The following DYNC1I2 variants were observed in gnomAD, a reference collection of about 807,000 sequenced individuals.
The protein encoded by DYNC1I2 is cytoplasmic dynein 1 intermediate chain 2.
DYNC1I2 carries 53 observed loss-of-function variants against 88.6 expected under a neutral mutation model. The observed-to-expected ratio is 0.60, with a 90% CI of 0.48 to 0.75. DYNC1I2 has a LOEUF of 0.75. Ranked by LOEUF, DYNC1I2 falls within the 30% of genes least tolerant of loss-of-function variation. The pLI is 0.00. For synonymous variants in DYNC1I2, 198 were observed against 254.6 expected, an observed-to-expected ratio of 0.78 and a Z score of 2.12; for missense variants, 458 against 766.6, an observed-to-expected ratio of 0.60 and a Z score of 4.75.
chr2:171,728,288 T>C lies in DYNC1I2; in HGVS notation c.1144-17T>C. ...TTTGGTACAATAATCCCTGAAAACT[T>C]TTTTTAATATCTCTAGCACCCTGTA... On this transcript the variant is annotated splice_polypyrimidine_tract_variant and intron_variant, in intron 12 of 17. Transcript: ENST00000397119. The C allele has an allele frequency of 6.8e-7, 1 of 1,480,142 alleles. No individual in the cohort carries two copies. The highest frequency in any genetic ancestry group is 9.0e-7 in the Non-Finnish European group (1 of 1,106,000). 91.7% of individuals were successfully genotyped at this position (1,480,142 alleles called of 1,614,324 possible).
intron 14 of DYNC1I2, 136 bp downstream of exon 14, chr2:171,728,986 A>C: frequency 1.1e-6 from 1 of 941,964 alleles, no homozygotes; most frequent in Non-Finnish European, 1.5e-6. Context: ...CAGGCACATA[A>C]AATTAAAACT....
In DYNC1I2 at chr2:171,706,533, T is replaced by C; in HGVS notation, c.227-14T>C. The C allele has an allele frequency of 6.2e-7, 1 of 1,610,658 alleles. No homozygotes were observed. Among genetic ancestry groups the C allele is most frequent in the Non-Finnish European group, 8.5e-7 (1 of 1,177,528 alleles). On this transcript the variant is annotated splice_polypyrimidine_tract_variant and intron_variant, in intron 3 of 17. Transcript: ENST00000397119. ...AATATTTTGGGTGTCTGTATCTTTG[T>C]CTGTACACTTCAGTTTTTTCTGAAT...
At chr2:171,729,273 T>C (rs1174082448) in intron 14 of DYNC1I2, among the ~76,000 whole-genome samples, 2 of 152,164 alleles carry the variant, frequency 1.3e-5, no homozygotes, top group African/African-American at 4.8e-5. Flanking sequence ...CTGAGTAATA[T>C]TTCTCCTTCC....
At chr2:171,704,473 T>A (rs1035955316) in intron 3 of DYNC1I2, among the ~76,000 whole-genome samples, 3 of 152,202 alleles carry the variant, frequency 2.0e-5, no homozygotes, top group African/African-American at 7.2e-5. Flanking sequence ...TTTATACCAT[T>A]TAAAACCTGT....
At chr2:171,710,915 A>T (rs766797406) in intron 5 of DYNC1I2, among the ~76,000 whole-genome samples, 1 of 151,158 alleles carries the variant, frequency 6.6e-6, no homozygotes, top group African/African-American at 2.4e-5. Context: ...CATGTGCACA[A>T]TGTGCAGGTT....
At chr2:171,724,040 G>A (rs1023609861) in intron 7 of DYNC1I2, among the ~76,000 whole-genome samples, 1 of 152,032 alleles carries the variant, frequency 6.6e-6, no homozygotes. Context: ...TTCACCATTT[G>A]GTTCAAAAGT....
At chr2:171,745,749 A>C in intron 16 of DYNC1I2, 53 bp from the exon 17 acceptor site, 1 of 1,561,008 alleles carries the variant, frequency 6.4e-7, no homozygotes. Context: ...TTACATGTTT[A>C]TAGAAATCTT....
chr2:171,726,880 C>A lies in DYNC1I2; in HGVS notation c.960C>A (p.Tyr320Ter). The A allele has an allele frequency of 6.2e-7, 1 of 1,610,568 alleles. No individual in the cohort carries two copies. ...TGGCCCTTGTATGGAATATGAAATA[C>A]AAAAAAACTACCCCAGAGTATGTGT... ...DGVALVWNMK[Y>*]KKTTPEYVFH... Residue 320 changes from tyrosine to a stop codon, truncating the protein, a stop_gained, in exon 11 of 18, where the codon TAC becomes TAA. Transcript: ENST00000397119. LOFTEE classifies it high-confidence loss of function.
intron 15 of DYNC1I2, among the ~76,000 whole-genome samples, chr2:171,739,879 T>C (rs1230389512): frequency 3.3e-5 from 5 of 151,910 alleles, no homozygotes; most frequent in African/African-American, 9.7e-5. Flanking sequence ...CTAATTTTTA[T>C]ATTTTTTGTA....
chr2:171,732,396 C>A (rs1001475054), intron 15 of DYNC1I2, among the ~76,000 whole-genome samples: 3 of 152,136 alleles, frequency 2.0e-5, no homozygotes, highest in Non-Finnish European at 4.4e-5. Flanking sequence ...GTATGTATAG[C>A]TCACATTTTA....
At chr2:171,691,077 T>C (rs916452879) in intron 2 of DYNC1I2, among the ~76,000 whole-genome samples, 2 of 152,220 alleles carry the variant, frequency 1.3e-5, no homozygotes, top group African/African-American at 2.4e-5. Context: ...ATGGATAATA[T>C]TAATGGCAAA....
rs1688220147 is a variant in DYNC1I2 at position 171,725,903 on chromosome 2, ATTAT to A, written c.608-9_608-6del. On this transcript the variant is annotated splice_polypyrimidine_tract_variant and intron_variant, in intron 8 of 17. Coordinates refer to ENST00000397119, the MANE Select transcript of DYNC1I2 (RefSeq NM_001378.3). ...CCTGACATAAATCATACTTCAAAAAATTATTTATTTTCCAGCTCCCCCTCATGAG... is the reference window on the plus strand; with the variant it reads ...CCTGACATAAATCATACTTCAAAAAATTATTTTCCAGCTCCCCCTCATGAG... 8 of 1,557,710 alleles carry A rather than the reference ATTAT, an allele frequency of 5.1e-6. No homozygotes were observed. Among genetic ancestry groups the A allele is most frequent in the South Asian group, 1.2e-5 (1 of 80,400 alleles).
chr2:171,745,091 G>A (rs960416315), intron 16 of DYNC1I2, among the ~76,000 whole-genome samples: 19 of 152,290 alleles, frequency 1.2e-4, no homozygotes, highest in Admixed American at 3.9e-4. Context: ...GTACAAATTA[G>A]AAGGATTTTT....
At chr2:171,713,594 A>G (rs1348020822) in intron 6 of DYNC1I2, among the ~76,000 whole-genome samples, 2 of 152,148 alleles carry the variant, frequency 1.3e-5, no homozygotes, top group Admixed American at 6.5e-5. Context: ...ACATAGAGAT[A>G]AGATTATCCA....
chr2:171,736,436 C>G (rs1244269180), intron 15 of DYNC1I2, among the ~76,000 whole-genome samples: 2 of 152,176 alleles, frequency 1.3e-5, no homozygotes, highest in Non-Finnish European at 2.9e-5. Flanking sequence ...CTCCTGTGAG[C>G]CTGACCAGCT....
chr2:171,706,512 T>G, intron 3 of DYNC1I2, 35 bp from the exon 4 acceptor site: 2 of 1,587,360 alleles, frequency 1.3e-6, no homozygotes, highest in Non-Finnish European at 8.6e-7. Context: ...ATTAAGAATA[T>G]TTTGGGTGTC....
intron 4 of DYNC1I2, chr2:171,706,993 G>A: frequency 2.0e-6 from 1 of 501,288 alleles, no homozygotes; most frequent in Non-Finnish European, 3.5e-6. Context: ...GGCCACATTT[G>A]GTGATGGATG....
chr2:171,724,037 T>C (rs994767428), intron 7 of DYNC1I2, among the ~76,000 whole-genome samples: 1 of 152,140 alleles, frequency 6.6e-6, no homozygotes, highest in Non-Finnish European at 1.5e-5. Flanking sequence ...ACCTTCACCA[T>C]TTGGTTCAAA....
intron 3 of DYNC1I2, among the ~76,000 whole-genome samples, chr2:171,698,900 T>C (rs1237975456): frequency 2.6e-5 from 4 of 151,628 alleles, no homozygotes; most frequent in Non-Finnish European, 1.5e-5. Context: ...GGTCTCGCCG[T>C]GTTGCCTAGG....
Sources: gnomAD v4.1 joint callset for allele counts (sites outside exome capture counted in the v4.1 genomes callset) on GRCh38, gnomAD v4.1.1 for gene constraint, MANE v1.5 for transcripts, NCBI Gene and HGNC (gene_info 2026-07-23, HGNC 2026-07-21) for gene names.